Variants in PROSER1 observed in about 807,000 individuals in gnomAD.
PROSER1 encodes the protein proline and serine-rich protein 1.
Under a neutral mutation model 71.8 loss-of-function variants are expected in PROSER1, and 36 were observed. The ratio of observed to expected loss-of-function variants is 0.50; its 90% CI spans 0.38 to 0.66. The LOEUF (loss-of-function observed/expected upper bound fraction) is 0.66, where lower values mean the gene tolerates loss of function less well. Ranked by LOEUF, PROSER1 falls within the 30% of genes least tolerant of loss-of-function variation. The pLI is 0.00. For synonymous variants in PROSER1, 490 were observed against 452.4 expected, an observed-to-expected ratio of 1.08 and a Z score of -1.06; for missense variants, 1,107 against 1,135.0, an observed-to-expected ratio of 0.98 and a Z score of 0.35.
At chr13:39,020,800 C>A (rs929299859) in intron 9 of PROSER1, among the ~76,000 whole-genome samples, 26 of 152,068 alleles carry the variant, frequency 1.7e-4, no homozygotes, top group African/African-American at 6.3e-4. Context: ...ATATGGGAAA[C>A]CATTCATTGT....
In PROSER1 at chr13:39,014,374, T is replaced by C; in HGVS notation, c.878A>G (p.Asn293Ser). ...GGCAGCTGCTGATGCTGATGGATGATTAATTGCCTTGACTGGGGATGCAGT... is the reference window on the plus strand; with the variant it reads ...GGCAGCTGCTGATGCTGATGGATGACTAATTGCCTTGACTGGGGATGCAGT... ...VPTASPVKAI[N>S]HPSASAAATV... is the part of the protein sequence containing the mutation. The change falls in exon 11 of 13, where the codon AAT (asparagine) becomes AGT (serine). Residue 293 changes from asparagine (N) to serine (S), a missense_variant. Transcript: ENST00000352251. 1.2e-6 allele frequency: 2 copies of C among 1,613,974 alleles called. No individual in the cohort carries two copies. Among genetic ancestry groups the C allele is most frequent in the Non-Finnish European group, 8.5e-7 (1 of 1,179,996 alleles).
Position 39,017,771 on chromosome 13 carries a change from CTGAG to C in PROSER1, c.731-231_731-228del, listed in dbSNP as rs146086485. On this transcript the variant is annotated intron_variant, in intron 9 of 12. Coordinates refer to ENST00000352251, the MANE Select transcript of PROSER1 (RefSeq NM_025138.5). ...TGAAGAGCAAGAGGATTACCAGAAA[CTGAG>C]TGAGTGCTCTTTTATCCCCTAGCAT... The C allele has an allele frequency of 5.6e-3, 2,236 of 401,502 alleles. 47 individuals carry two copies. The highest frequency in any genetic ancestry group is 0.043 in the African/African-American group (2,048 of 47,244). 24.9% of individuals were successfully genotyped at this position (401,502 alleles called of 1,614,324 possible).
chr13:39,022,334 A>C lies in PROSER1; in HGVS notation c.722T>G (p.Val241Gly). Residue 241 changes from valine to glycine, a missense_variant, in exon 9 of 13, where the codon GTA becomes GGA. Val to Gly is a moderately radical substitution (Grantham distance 109). Transcript: ENST00000352251. Reference sequence around the variant, plus strand: ...CCCAAATAACATTTTACCTGTTCCTACAGGATTAGGAGTATATGGAGGTGG... The same window carrying C: ...CCCAAATAACATTTTACCTGTTCCTCCAGGATTAGGAGTATATGGAGGTGG... ...PPPPPYTPNP[V>G]GTENEDLSNP... 1 of 1,605,260 alleles carries C rather than the reference A, an allele frequency of 6.2e-7. No homozygotes were observed.
Position 39,013,129 on chromosome 13 carries a change from G to C in PROSER1, c.2123C>G (p.Pro708Arg). The C allele has an allele frequency of 6.2e-7, 1 of 1,614,166 alleles. No homozygotes were observed. The highest frequency in any genetic ancestry group is 8.5e-7 in the Non-Finnish European group (1 of 1,180,040). ...PSFTSLTNNF[P>R]LTGNPSLNPS... Reference sequence around the variant, plus strand: ...ATTAAGAGATGGGTTGCCAGTTAAAGGAAAATTGTTGGTCAAAGAAGTAAA... The same window carrying C: ...ATTAAGAGATGGGTTGCCAGTTAAACGAAAATTGTTGGTCAAAGAAGTAAA... The change falls in exon 11 of 13, where the codon CCT becomes CGT. Residue 708 changes from proline (P) to arginine (R), a missense_variant. Pro to Arg is a moderately radical substitution (Grantham distance 103, BLOSUM62 -2). Transcript: ENST00000352251.
chr13:39,025,480 C>A (rs1870504336), intron 6 of PROSER1, among the ~76,000 whole-genome samples: 1 of 152,170 alleles, frequency 6.6e-6, no homozygotes, highest in Non-Finnish European at 1.5e-5. Context: ...GCAGCTTCCA[C>A]TTGTCTTCTC....
rs762719833 is a variant in PROSER1 at position 39,013,176 on chromosome 13, T to C, written c.2076A>G (p.Pro692=). Residue 692 remains proline (P), a synonymous_variant, in exon 11 of 13, where the codon CCA becomes CCG. Coordinates refer to ENST00000352251, the MANE Select transcript of PROSER1 (RefSeq NM_025138.5). ...TAAAAGAAGGAAGAGCAGTGAATAC[T>C]GGTGCAATGGGAGTGGAGGAACCAT... ...PPHGSSTPIA[P]VFTALPSFTS... 5.0e-6 allele frequency: 8 copies of C among 1,614,042 alleles called. No individual in the cohort carries two copies. In the South Asian group the frequency reaches 8.8e-5, roughly 18 times the overall value.
intron 9 of PROSER1, among the ~76,000 whole-genome samples, chr13:39,021,134 G>T (rs896792966): frequency 2.0e-5 from 3 of 152,134 alleles, no homozygotes; most frequent in African/African-American, 7.2e-5. Flanking sequence ...AGGCTACAGT[G>T]GGCTGAATTC....
At chr13:39,018,692 T>C (rs1419215971) in intron 9 of PROSER1, among the ~76,000 whole-genome samples, 6 of 151,982 alleles carry the variant, frequency 3.9e-5, no homozygotes, top group Non-Finnish European at 8.8e-5. Context: ...AAAGATGTCA[T>C]AAATGAATGG....
intron 1 of PROSER1, among the ~76,000 whole-genome samples, chr13:39,034,486 A>T (rs17059023): frequency 0.015 from 2,337 of 152,374 alleles, 57 homozygotes; most frequent in African/African-American, 0.054. Flanking sequence ...CAACATCAGT[A>T]TACACAACAT....
intron 2 of PROSER1, among the ~76,000 whole-genome samples, chr13:39,032,043 A>C (rs1004533180): frequency 2.6e-5 from 4 of 152,186 alleles, no homozygotes; most frequent in Non-Finnish European, 5.9e-5. Flanking sequence ...GAAGTACTAG[A>C]TGGAGATCAA....
Position 39,013,448 on chromosome 13 carries a change from T to G in PROSER1, c.1804A>C (p.Thr602Pro). Residue 602 changes from threonine (T) to proline (P), a missense_variant, in exon 11 of 13, where the codon ACT becomes CCT. Transcript: ENST00000352251. ...TCAGTTTTGATCATAACAGGAAGAGTTGTTGCAGCAGGGGTAGATGAAATA... is the reference window on the plus strand; with the variant it reads ...TCAGTTTTGATCATAACAGGAAGAGGTGTTGCAGCAGGGGTAGATGAAATA... ...LHISSTPAAT[T>P]LPVMIKTEPT... 6.2e-7 allele frequency: 1 copy of G among 1,613,008 alleles called. No homozygotes were observed. Among genetic ancestry groups the G allele is most frequent in the South Asian group, 1.1e-5 (1 of 91,036 alleles).
Position 39,012,251 on chromosome 13 carries a change from AAAAC to A in PROSER1, c.2562-22_2562-19del. Reference sequence around the variant, plus strand: ...ATGATAAACTAAAACAATTGACAGAAAAACAAGTTAACTGCAGACAAGACATAAA... The same window carrying A: ...ATGATAAACTAAAACAATTGACAGAAAAGTTAACTGCAGACAAGACATAAA... On this transcript the variant is annotated intron_variant, in intron 11 of 12. Transcript: ENST00000352251. 6.2e-7 allele frequency: 1 copy of A among 1,612,062 alleles called. No homozygotes were observed. Among genetic ancestry groups the A allele is most frequent in the Non-Finnish European group, 8.5e-7 (1 of 1,179,110 alleles).
chr13:39,013,033 T>C lies in PROSER1; in HGVS notation c.2219A>G (p.His740Arg). ...STAATSTSLP[H>R]PSSTAAVLSG... ...GAGAACAGCTGCCGTTGAGCTAGGATGAGGGAGAGATGTGGAGGTGGCAGC... is the reference window on the plus strand; with the variant it reads ...GAGAACAGCTGCCGTTGAGCTAGGACGAGGGAGAGATGTGGAGGTGGCAGC... The change falls in exon 11 of 13, where the codon CAT becomes CGT. Residue 740 changes from histidine to arginine, a missense_variant. Transcript: ENST00000352251. 6.2e-7 allele frequency: 1 copy of C among 1,613,890 alleles called. No homozygotes were observed. The highest frequency in any genetic ancestry group is 8.5e-7 in the Non-Finnish European group (1 of 1,179,972).
At position 39,013,452 on chromosome 13, in the gene PROSER1, T is replaced by A; in HGVS notation, c.1800A>T (p.Ala600=). 1 of 1,614,060 alleles carries A rather than the reference T, an allele frequency of 6.2e-7. No individual in the cohort carries two copies. Among genetic ancestry groups the A allele is most frequent in the Non-Finnish European group, 8.5e-7 (1 of 1,180,012 alleles). The part of the protein sequence containing the change: ...SDLHISSTPA[A]TTLPVMIKTE... ...TTTTGATCATAACAGGAAGAGTTGT[T>A]GCAGCAGGGGTAGATGAAATATGCA... Residue 600 remains alanine, a synonymous_variant, in exon 11 of 13, where the codon GCA becomes GCT. Coordinates refer to ENST00000352251, the MANE Select transcript of PROSER1 (RefSeq NM_025138.5).
chr13:39,013,712 C>T lies in PROSER1; in HGVS notation c.1540G>A (p.Ala514Thr), dbSNP rs201134593. 1.2e-6 allele frequency: 2 copies of T among 1,614,096 alleles called. No individual in the cohort carries two copies. Among genetic ancestry groups the T allele is most frequent in the Non-Finnish European group, 1.7e-6 (2 of 1,180,018 alleles). ...TLQNSDSSAS[A>T]PNKCYAPSAI... ...GATGGGGCATAGCACTTGTTAGGGGCTGAAGCAGAAGAGTCAGAGTTCTGA... is the reference window on the plus strand; with the variant it reads ...GATGGGGCATAGCACTTGTTAGGGGTTGAAGCAGAAGAGTCAGAGTTCTGA... The change falls in exon 11 of 13, where the codon GCC becomes ACC. Residue 514 changes from alanine (A) to threonine (T), a missense_variant. Coordinates refer to ENST00000352251, the MANE Select transcript of PROSER1 (RefSeq NM_025138.5).
At chr13:39,024,651 AG>A in intron 6 of PROSER1, 95 bp from the exon 7 acceptor site, 1 of 866,872 alleles carries the variant, frequency 1.2e-6, no homozygotes, top group South Asian at 1.7e-5. Flanking sequence ...ACTGAAGAAA[AG>A]GACTTGGTAA....
rs1593524832 is a variant in PROSER1, at chr13:39,013,070, T to G, written c.2182A>C (p.Thr728Pro). 1 of 1,613,936 alleles carries G rather than the reference T, an allele frequency of 6.2e-7. No individual in the cohort carries two copies. The highest frequency in any genetic ancestry group is 8.5e-7 in the Non-Finnish European group (1 of 1,179,988). ...SVSLPGSLIA[T>P]SSTAATSTSL... Reference sequence around the variant, plus strand: ...GTGGAGGTGGCAGCGGTAGATGAGGTGGCTATTAATGACCCTGGGAGAGAT... The same window carrying G: ...GTGGAGGTGGCAGCGGTAGATGAGGGGGCTATTAATGACCCTGGGAGAGAT... Residue 728 changes from threonine to proline, a missense_variant, in exon 11 of 13, where the codon ACC becomes CCC. Coordinates refer to ENST00000352251, the MANE Select transcript of PROSER1 (RefSeq NM_025138.5).
chr13:39,014,802 G>A (rs559933703), intron 10 of PROSER1, among the ~76,000 whole-genome samples: 1 of 152,218 alleles, frequency 6.6e-6, no homozygotes, highest in African/African-American at 2.4e-5. Flanking sequence ...TAGTGCTGCT[G>A]CACTGACTTT....
Position 39,014,156 on chromosome 13 carries a change from C to T in PROSER1, c.1096G>A (p.Val366Met), listed in dbSNP as rs1442502560. 152 of 1,613,952 alleles carry T rather than the reference C, an allele frequency of 9.4e-5. No individual in the cohort carries two copies. The highest frequency in any genetic ancestry group is 1.2e-4 in the Non-Finnish European group (146 of 1,180,030). ...GTGGCAGAAGGACCTGGCAGTGACA[C>T]TAGGCCAGAAAAAATGGAAGGAACA... is the stretch of plus-strand genomic sequence containing the variant. ...TPVPSIFSGLVSLPGPSATPT... is the reference protein window; with the variant it reads ...TPVPSIFSGLMSLPGPSATPT... The change falls in exon 11 of 13, where the codon GTG (valine) becomes ATG (methionine). Residue 366 changes from valine (V) to methionine (M), a missense_variant. Coordinates refer to ENST00000352251, the MANE Select transcript of PROSER1 (RefSeq NM_025138.5).
Sources: allele counts gnomAD v4.1 joint callset (sites outside exome capture counted in the v4.1 genomes callset), GRCh38; gene constraint gnomAD v4.1.1; transcripts MANE v1.5; gene names NCBI Gene and HGNC (gene_info 2026-07-23, HGNC 2026-07-21).